CLPTM1L: variants seen among roughly 807,000 people sequenced by gnomAD.
CLPTM1L encodes the protein CLPTM1 like.
A neutral mutation model predicts 70.9 loss-of-function variants in CLPTM1L; 38 were observed. The observed-to-expected ratio is 0.54, with a 90% CI of 0.41 to 0.70. The LOEUF is 0.70. CLPTM1L is among the 30% of genes least tolerant of loss of function. The probability of loss-of-function intolerance (pLI) is 0.00; values close to 1 mark genes in which losing one functional copy is unlikely to be tolerated. For missense variants in CLPTM1L, 652 were observed against 705.9 expected (o/e 0.92, Z 0.87); for synonymous variants, 339 against 299.9 (o/e 1.13, Z -1.35).
Position 1,318,354 on chromosome 5 carries a change from C to T in CLPTM1L, c.*15G>A, listed in dbSNP as rs1216654867. 1.2e-6 allele frequency: 2 copies of T among 1,609,498 alleles called. No individual in the cohort carries two copies. Among genetic ancestry groups the T allele is most frequent in the South Asian group, 1.1e-5 (1 of 90,796 alleles). On this transcript the variant is annotated 3_prime_UTR_variant, in exon 17 of 17. Transcript: ENST00000320895. This position sits in a 1 kb window ranked among gnomAD's most constrained non-coding sequence, Gnocchi z 8.9. ...AATTCAAGTTGCACTTGGCTGGCGG[C>T]AGCCCGGGCGGCCTTCAGTCCGTGT...
rs760012178 is a variant in CLPTM1L, at chr5:1,325,859, G to A, written c.1081-43C>T. The A allele has an allele frequency of 2.6e-6, 4 of 1,565,230 alleles. No homozygotes were observed. In the South Asian group the frequency reaches 4.5e-5, roughly 17 times the overall value. ...GAAATAGTTCCTTTAATATTCGAAG[G>A]CCAGGAGCCACGAATGAACGACCCA... is the stretch of plus-strand genomic sequence containing the variant. On this transcript the variant is annotated intron_variant, in intron 9 of 16. Coordinates refer to ENST00000320895, the MANE Select transcript of CLPTM1L (RefSeq NM_030782.5).
intron 2 of CLPTM1L, among the ~76,000 whole-genome samples, chr5:1,344,114 C>G (rs954315278): frequency 6.6e-6 from 1 of 152,252 alleles, no homozygotes; most frequent in African/African-American, 2.4e-5. Flanking sequence ...GGACATCCCA[C>G]TGCCATCACA....
intron 5 of CLPTM1L, among the ~76,000 whole-genome samples, chr5:1,336,953 G>C (rs966259157): frequency 2.0e-4 from 30 of 152,266 alleles, no homozygotes; most frequent in African/African-American, 7.2e-4. Context: ...GCACCCCCCC[G>C]CTAGCAAGCC....
Position 1,344,737 on chromosome 5 carries a change from C to T in CLPTM1L, c.105G>A (p.Pro35=), listed in dbSNP as rs1373078987. The change falls in exon 1 of 17, where the codon CCG becomes CCA. Residue 35 remains proline (P), a synonymous_variant. Transcript: ENST00000320895. ...WVMYGIVYTR[P]CSGDANCIQP... ...GGATGCAGTTGGCGTCGCCGGAGCA[C>T]GGGCGGGTGTAGACGATGCCGTACA... 1.2e-6 allele frequency: 2 copies of T among 1,600,454 alleles called. No individual in the cohort carries two copies. The highest frequency in any genetic ancestry group is 1.7e-4 in the Middle Eastern group (1 of 6,054).
At chr5:1,329,053 G>T (rs922307343) in intron 9 of CLPTM1L, among the ~76,000 whole-genome samples, 1 of 152,182 alleles carries the variant, frequency 6.6e-6, no homozygotes, top group Non-Finnish European at 1.5e-5. Context: ...CCCACCCACA[G>T]GTGGGCCACC....
At position 1,322,929 on chromosome 5, in the gene CLPTM1L, G is replaced by A. The variant is rs374768502; in HGVS notation, c.1281-18C>T. On this transcript the variant is annotated intron_variant, in intron 12 of 16. Coordinates refer to ENST00000320895, the MANE Select transcript of CLPTM1L (RefSeq NM_030782.5). ...AGTACCAGCTGAAACGGAAAAAAAA[G>A]GAGAAGTCCTATTTCTCGCATAGCT... The A allele has an allele frequency of 9.7e-5, 156 of 1,605,084 alleles. No individual in the cohort carries two copies. The African/African-American group carries it at 1.9e-3, about 19-fold the overall frequency.
chr5:1,339,955 G>A (rs1753838350), intron 3 of CLPTM1L, among the ~76,000 whole-genome samples: 1 of 152,140 alleles, frequency 6.6e-6, no homozygotes, highest in African/African-American at 2.4e-5. Flanking sequence ...ACCGCGCCCG[G>A]ACAGCAGGGT....
chr5:1,333,611 C>G (rs1753314680), intron 7 of CLPTM1L, among the ~76,000 whole-genome samples: 4 of 126,826 alleles, frequency 3.2e-5, no homozygotes, highest in African/African-American at 9.7e-5. Flanking sequence ...GGATGAGGGA[C>G]TATTGTATAC....
chr5:1,333,431 AG>A (rs71309295), intron 7 of CLPTM1L, among the ~76,000 whole-genome samples: 1 of 54,076 alleles, frequency 1.8e-5, no homozygotes, highest in Non-Finnish European at 3.6e-5. Flanking sequence ...GATGAGGATA[AG>A]GGGGGACTAC....
intron 3 of CLPTM1L, among the ~76,000 whole-genome samples, chr5:1,340,043 C>T (rs1454899985): frequency 2.0e-5 from 3 of 152,266 alleles, no homozygotes; most frequent in African/African-American, 4.8e-5. Flanking sequence ...CACAGCGGCC[C>T]CACAGCTGCC....
chr5:1,325,730 G>A (rs749034057), intron 10 of CLPTM1L, 21 bp downstream of exon 10: 17 of 1,605,420 alleles, frequency 1.1e-5, no homozygotes, highest in Middle Eastern at 1.6e-4. Context: ...TTGGGGTTCA[G>A]CCATTACAAC....
At chr5:1,336,945 A>AC (rs1228910849) in intron 5 of CLPTM1L, among the ~76,000 whole-genome samples, 4 of 151,692 alleles carry the variant, frequency 2.6e-5, no homozygotes, top group Non-Finnish European at 4.4e-5. Context: ...TCCCAGCTGC[A>AC]CCCCCCCGCT....
Position 1,338,880 on chromosome 5 carries a change from A to C in CLPTM1L, c.579T>G (p.Asp193Glu). ...CTTACATCTTCATGTACCGATGCAC[A>C]TCGGCAGGCAGGGAGGACCCGTCAA... The part of the protein sequence containing the change: ...FVFDGSSLPA[D>E]VHRYMKMIQL... Residue 193 changes from aspartate to glutamate, a missense_variant, in exon 4 of 17, where the codon GAT (aspartate) becomes GAG (glutamate). Physicochemically the swap from Asp to Glu is conservative, Grantham distance 45. Around this residue, in one of 3 missense-constraint regions of CLPTM1L, gnomAD observed 402 missense variants for 388.2 expected, o/e 1.04. Transcript: ENST00000320895. 1 of 1,613,298 alleles carries C rather than the reference A, an allele frequency of 6.2e-7. No homozygotes were observed. Among genetic ancestry groups the C allele is most frequent in the Non-Finnish European group, 8.5e-7 (1 of 1,180,042 alleles).
chr5:1,334,247 C>T (rs756447636), intron 7 of CLPTM1L, 42 bp downstream of exon 7: 1 of 1,482,354 alleles, frequency 6.7e-7, no homozygotes, highest in Non-Finnish European at 9.4e-7. Context: ...GCCCAGGGAG[C>T]CCCCCAAGTG....
At chr5:1,340,709 A>G (rs1295004749) in intron 3 of CLPTM1L, among the ~76,000 whole-genome samples, 2 of 152,070 alleles carry the variant, frequency 1.3e-5, no homozygotes, top group African/African-American at 4.8e-5. Flanking sequence ...AAACCCCATC[A>G]ACTCCGAGAG....
At position 1,318,479 on chromosome 5, in the gene CLPTM1L, A is replaced by C. The variant is rs1751963409; in HGVS notation, c.1533-26T>G. On this transcript the variant is annotated intron_variant, in intron 16 of 16. Transcript: ENST00000320895. This position sits in a 1 kb window ranked among gnomAD's most constrained non-coding sequence, Gnocchi z 8.9. ...CTGCAATGACACAAATGAGCACATC[A>C]GCAAACCCCACTGCAGGGGCTATTT... 1 of 1,592,876 alleles carries C rather than the reference A, an allele frequency of 6.3e-7. No individual in the cohort carries two copies. Among genetic ancestry groups the C allele is most frequent in the African/African-American group, 1.3e-5 (1 of 74,502 alleles).
intron 16 of CLPTM1L, among the ~76,000 whole-genome samples, chr5:1,319,205 G>T (rs1752004020): frequency 6.6e-6 from 1 of 152,218 alleles, no homozygotes; most frequent in Non-Finnish European, 1.5e-5. Context: ...GGCTCTGCAG[G>T]GGGCAGGCGG....
In CLPTM1L at chr5:1,337,911, T is replaced by C; in HGVS notation, c.671A>G (p.Asp224Gly). ...FIDQLSNRVK[D>G]LMVINRSTTE... Reference sequence around the variant, plus strand: ...GGCAGAGGTGTCACTCACCATCAGGTCCTTCACGCGGTTGCTGAGCTGGTC... The same window carrying C: ...GGCAGAGGTGTCACTCACCATCAGGCCCTTCACGCGGTTGCTGAGCTGGTC... The change falls in exon 5 of 17, where the codon GAC (aspartate) becomes GGC (glycine). Residue 224 changes from aspartate to glycine, a missense_variant. This residue lies in a region of CLPTM1L where 402 missense variants were observed against 388.2 expected (regional missense o/e 1.04). Transcript: ENST00000320895. The C allele has an allele frequency of 6.3e-7, 1 of 1,598,066 alleles. No individual in the cohort carries two copies. The highest frequency in any genetic ancestry group is 8.5e-7 in the Non-Finnish European group (1 of 1,174,254).
intron 9 of CLPTM1L, among the ~76,000 whole-genome samples, chr5:1,328,976 A>ACAGCTCCTCCTCTACAGAGACATTCCATC (rs1752879195): frequency 9.7e-5 from 13 of 134,056 alleles, no homozygotes; most frequent in South Asian, 2.5e-4. Context: ...CACATTTCAT[A>ACAGCTCCTCCTCTACAGAGACATTCCATC]CAGCTCCTCC....
Sources: gnomAD v4.1 joint callset for allele counts (sites outside exome capture counted in the v4.1 genomes callset) on GRCh38, gnomAD v4.1.1 for gene constraint, gnomAD v4.1.1 regional missense constraint, Gnocchi (gnomAD v3.1) non-coding constraint, MANE v1.5 for transcripts, NCBI Gene and HGNC (gene_info 2026-07-23, HGNC 2026-07-21) for gene names.